The following REDIC1 variants were observed in gnomAD, a reference collection of about 807,000 sequenced individuals.
REDIC1 encodes the protein regulator of DNA class I crossover intermediates 1, also known as HEI10 Interacting Protein 1.
At chr12:39,899,359 A>G in the REDIC1 span, among the ~76,000 whole-genome samples, 3 of 151,708 alleles carry the variant, frequency 2.0e-5, no homozygotes, top group South Asian at 2.1e-4. Flanking sequence ...CATCTATTTG[A>G]TTCTCCTCTC....
the REDIC1 span, among the ~76,000 whole-genome samples, chr12:39,746,396 C>T: frequency 6.6e-6 from 1 of 152,154 alleles, no homozygotes; most frequent in African/African-American, 2.4e-5. Context: ...CCCACCATTG[C>T]TGAGGCTTGA....
At chr12:39,874,977 A>T in the REDIC1 span, among the ~76,000 whole-genome samples, 1 of 152,238 alleles carries the variant, frequency 6.6e-6, no homozygotes, top group Non-Finnish European at 1.5e-5. Flanking sequence ...TCTCCCTCTG[A>T]GCAAGAGCTG....
chr12:39,635,976 T>C, the REDIC1 span, among the ~76,000 whole-genome samples: 1 of 152,170 alleles, frequency 6.6e-6, no homozygotes, highest in Admixed American at 6.6e-5. Context: ...GTTATTTTGA[T>C]GAAAATATGT....
the REDIC1 span, among the ~76,000 whole-genome samples, chr12:39,713,803 G>A: frequency 6.6e-4 from 97 of 147,692 alleles, no homozygotes; most frequent in Admixed American, 2.0e-3. Flanking sequence ...ATGTATATAT[G>A]CATGTGTATA....
At chr12:39,906,912 AT>A in the REDIC1 span, among the ~76,000 whole-genome samples, 1 of 152,176 alleles carries the variant, frequency 6.6e-6, no homozygotes, top group Non-Finnish European at 1.5e-5. Context: ...TGCAAGGTCC[AT>A]TAGGAAGCAA....
chr12:39,782,803 T>C, the REDIC1 span, among the ~76,000 whole-genome samples: 1 of 152,198 alleles, frequency 6.6e-6, no homozygotes, highest in African/African-American at 2.4e-5. Flanking sequence ...AGGTCCAGGC[T>C]GAGGTGGTCT....
chr12:39,711,573 G>T, the REDIC1 span, among the ~76,000 whole-genome samples: 2 of 69,228 alleles, frequency 2.9e-5, no homozygotes, highest in Non-Finnish European at 7.0e-5. Context: ...GTGTATATGT[G>T]CATACACATG....
At chr12:39,900,941 C>T in the REDIC1 span, among the ~76,000 whole-genome samples, 4 of 152,180 alleles carry the variant, frequency 2.6e-5, no homozygotes, top group African/African-American at 7.2e-5. Context: ...TCAAACTATA[C>T]CACAAGGCAA....
chr12:39,705,346 G>A, the REDIC1 span, among the ~76,000 whole-genome samples: 1 of 151,960 alleles, frequency 6.6e-6, no homozygotes, highest in Non-Finnish European at 1.5e-5. Flanking sequence ...ATAAAGCCTG[G>A]GACTTGAAGG....
At chr12:39,673,432 G>A in the REDIC1 span, among the ~76,000 whole-genome samples, 50 of 152,268 alleles carry the variant, frequency 3.3e-4, no homozygotes, top group African/African-American at 1.1e-3. Context: ...AAGGCAAAAT[G>A]TCAGTTTTAC....
At chr12:39,713,090 T>C in the REDIC1 span, among the ~76,000 whole-genome samples, 1 of 149,098 alleles carries the variant, frequency 6.7e-6, no homozygotes, top group East Asian at 2.0e-4. Flanking sequence ...CGTGTATGTG[T>C]AGATATGTGC....
chr12:39,764,942 G>C, the REDIC1 span: 1 of 1,462,652 alleles, frequency 6.8e-7, no homozygotes, highest in Non-Finnish European at 9.3e-7. Flanking sequence ...TTATGTATTT[G>C]GAAATTCCTT....
chr12:39,711,327 T>C, the REDIC1 span, among the ~76,000 whole-genome samples: 1 of 147,962 alleles, frequency 6.8e-6, no homozygotes, highest in East Asian at 2.0e-4. Flanking sequence ...CATATATGTA[T>C]AGATCACATA....
chr12:39,730,855 C>A, the REDIC1 span, among the ~76,000 whole-genome samples: 1 of 152,214 alleles, frequency 6.6e-6, no homozygotes, highest in Non-Finnish European at 1.5e-5. Context: ...CATTTCTCTT[C>A]ATTCTTTTTT....
At chr12:39,835,509 C>A in the REDIC1 span, among the ~76,000 whole-genome samples, 7 of 151,980 alleles carry the variant, frequency 4.6e-5, no homozygotes, top group African/African-American at 7.2e-5. Flanking sequence ...AAAGGAATTG[C>A]GGAATGAATT....
At chr12:39,785,328 G>A in the REDIC1 span, among the ~76,000 whole-genome samples, 1 of 152,200 alleles carries the variant, frequency 6.6e-6, no homozygotes, top group East Asian at 1.9e-4. Flanking sequence ...TCTGGCTGTG[G>A]CTTCAGAGAG....
At chr12:39,711,831 A>ATGTGTGTACACATGCATGTG in the REDIC1 span, among the ~76,000 whole-genome samples, 3 of 8,334 alleles carry the variant, frequency 3.6e-4, no homozygotes, top group East Asian at 3.0e-3. Flanking sequence ...ATGCATGTGT[A>ATGTGTGTACACATGCATGTG]TATGTGTGTA....
the REDIC1 span, chr12:39,646,257 G>GA: frequency 0.16 from 74,373 of 454,032 alleles, 6,834 homozygotes; most frequent in African/African-American, 0.29. Flanking sequence ...TAATGAACAT[G>GA]ATTTATTAAA....
chr12:39,768,764 G>T, the REDIC1 span, among the ~76,000 whole-genome samples: 1 of 151,984 alleles, frequency 6.6e-6, no homozygotes, highest in African/African-American at 2.4e-5. Context: ...TAATGAAAAA[G>T]TCTGAAATAA....
Sources: allele counts gnomAD v4.1 joint callset (sites outside exome capture counted in the v4.1 genomes callset), GRCh38; gene constraint gnomAD v4.1.1; transcripts MANE v1.5; gene names NCBI Gene and HGNC (gene_info 2026-07-23, HGNC 2026-07-21).